DMD: variants seen among roughly 807,000 people sequenced by gnomAD.
DMD encodes the protein dystrophin.
DMD carries 63 observed loss-of-function variants against 330.1 expected under a neutral mutation model. The observed-to-expected ratio is 0.19, with a 90% confidence interval of 0.16 to 0.24. The LOEUF (loss-of-function observed/expected upper bound fraction) is 0.24, where lower values mean the gene tolerates loss of function less well. Among genes scored for constraint, DMD ranks in the 10% least tolerant of loss-of-function variants. The pLI is 1.00. For missense variants in DMD, 3,344 were observed against 2,684.1 expected, an observed-to-expected ratio of 1.25 and a Z score of -5.43; for synonymous variants, 1,223 against 959.8, an observed-to-expected ratio of 1.27 and a Z score of -5.07.
At chrX:31,163,556 A>G (rs1569386487) in intron 74 of DMD, among the ~76,000 whole-genome samples, 1 of 112,360 alleles carries the variant, frequency 8.9e-6, no homozygotes, top group Non-Finnish European at 1.9e-5. Flanking sequence ...ATGTGGGAAC[A>G]GCCGTAGGAA....
chrX:31,809,156 A>AAT (rs1050351654), intron 50 of DMD, among the ~76,000 whole-genome samples: 2 of 55,314 alleles, frequency 3.6e-5, no homozygotes, highest in African/African-American at 1.4e-4. Flanking sequence ...TTTATATATA[A>AAT]ATATATATGA....
In DMD at chrX:32,809,530, T is replaced by A. The variant is rs2077190196; in HGVS notation, c.612A>T (p.Arg204Ser). The change falls in exon 7 of 79, where the codon AGA (arginine) becomes AGT (serine). Residue 204 changes from arginine (R) to serine (S), a missense_variant. Transcript: ENST00000357033. ...GTAGTTTCTCTATGCCTAATTGATA[T>A]CTGGCGATGTTGAATGCATGTTCCA... is the stretch of plus-strand genomic sequence containing the variant. The part of the protein sequence containing the change: ...QRLEHAFNIA[R>S]YQLGIEKLLD... The A allele has an allele frequency of 6.6e-6, 8 of 1,211,267 alleles. No individual in the cohort carries two copies. Among genetic ancestry groups the A allele is most frequent in the Non-Finnish European group, 6.7e-6 (6 of 895,307 alleles).
intron 9 of DMD, among the ~76,000 whole-genome samples, chrX:32,658,462 A>C (rs985310609): frequency 9.0e-6 from 1 of 111,460 alleles, no homozygotes; most frequent in African/African-American, 3.3e-5. Context: ...AAGCATCTGG[A>C]GACAATACAT....
intron 7 of DMD, among the ~76,000 whole-genome samples, chrX:32,740,093 G>A (rs1434377380): frequency 4.6e-5 from 5 of 108,133 alleles, no homozygotes; most frequent in African/African-American, 1.7e-4. Context: ...AGTGATGTGC[G>A]CCATTTCCAA....
intron 37 of DMD, among the ~76,000 whole-genome samples, chrX:32,351,355 A>G (rs1423768459): frequency 1.8e-5 from 2 of 110,983 alleles, no homozygotes; most frequent in Non-Finnish European, 3.8e-5. Context: ...ATAACATTGT[A>G]ATGGTGAACA....
At chrX:31,414,290 C>T (rs1413215382) in intron 60 of DMD, among the ~76,000 whole-genome samples, 2 of 111,735 alleles carry the variant, frequency 1.8e-5, no homozygotes, top group Admixed American at 9.5e-5. Flanking sequence ...GCTGGGATTA[C>T]AGGCATGAGC....
intron 73 of DMD, 38 bp downstream of exon 73, chrX:31,172,310 T>C (rs777970349): frequency 2.0e-6 from 2 of 1,004,092 alleles, no homozygotes; most frequent in African/African-American, 1.9e-5. Context: ...GCAATTTCAT[T>C]GTCAGGAACA....
intron 62 of DMD, among the ~76,000 whole-genome samples, chrX:31,323,385 T>G (rs764342783): frequency 1.3e-4 from 15 of 112,356 alleles, no homozygotes; most frequent in Non-Finnish European, 2.6e-4. Flanking sequence ...TATCCTGCAT[T>G]AAATAAACTT....
intron 44 of DMD, among the ~76,000 whole-genome samples, chrX:32,150,550 G>A (rs929363235): frequency 3.1e-4 from 35 of 111,788 alleles, no homozygotes; most frequent in African/African-American, 1.1e-3. Flanking sequence ...CACCATAGAA[G>A]AAGCAATTTT....
chrX:32,838,560 T>C (rs1279273136), intron 4 of DMD, among the ~76,000 whole-genome samples: 1 of 111,859 alleles, frequency 8.9e-6, no homozygotes, highest in Non-Finnish European at 1.9e-5. Flanking sequence ...TCCATGTCCC[T>C]GCAAAGGACA....
rs375833133 is a variant in DMD, at chrX:31,768,169, G to GA, written c.7542+5790dup. ...CCTGAACACCTGGCCAAACGGAATT[G>GA]AAAAAAAAGACTACAATTAACTCAG... On this transcript the variant is annotated intron_variant, in intron 51 of 78. Transcript: ENST00000357033. Among the ~76,000 whole-genome samples, 79 of 110,058 alleles carry GA rather than the reference G, an allele frequency of 7.2e-4. 1 individual carries two copies. Among genetic ancestry groups the GA allele is most frequent in the African/African-American group, 2.2e-3 (68 of 30,344 alleles).
At chrX:32,505,847 A>C (rs531927472) in intron 18 of DMD, among the ~76,000 whole-genome samples, 71 of 112,331 alleles carry the variant, frequency 6.3e-4, no homozygotes, top group South Asian at 1.5e-3. Flanking sequence ...CAAGCCATAA[A>C]AAGACATGGA....
chrX:32,855,237 T>A (rs759930681), intron 2 of DMD, among the ~76,000 whole-genome samples: 13 of 112,101 alleles, frequency 1.2e-4, no homozygotes, highest in Non-Finnish European at 2.1e-4. Context: ...GGGGAAAAAC[T>A]ACAAGACTTT....
At chrX:33,039,771 C>T (rs141821146) in intron 1 of DMD, among the ~76,000 whole-genome samples, 6 of 111,445 alleles carry the variant, frequency 5.4e-5, no homozygotes, top group Non-Finnish European at 9.4e-5. Flanking sequence ...AAAATACTTA[C>T]GCTTTCCATC....
At chrX:32,529,398 T>C (rs1169639875) in intron 17 of DMD, among the ~76,000 whole-genome samples, 1 of 66,958 alleles carries the variant, frequency 1.5e-5, no homozygotes, top group Non-Finnish European at 2.8e-5. Flanking sequence ...TTTTTTTTTT[T>C]TTTTTTTTTT....
intron 12 of DMD, among the ~76,000 whole-genome samples, chrX:32,603,984 C>T (rs1340629410): frequency 9.0e-6 from 1 of 111,090 alleles, no homozygotes; most frequent in African/African-American, 3.3e-5. Flanking sequence ...AGGAAATTCT[C>T]CCTAATTAAT....
intron 41 of DMD, among the ~76,000 whole-genome samples, chrX:32,333,459 C>T (rs1024505738): frequency 1.8e-5 from 2 of 111,335 alleles, no homozygotes; most frequent in African/African-American, 6.5e-5. Flanking sequence ...AAACCAGGTA[C>T]CATTTTAAGT....
At chrX:32,828,564 CAT>C (rs1349739836) in intron 4 of DMD, among the ~76,000 whole-genome samples, 9 of 103,806 alleles carry the variant, frequency 8.7e-5, no homozygotes, top group Admixed American at 1.0e-4. Flanking sequence ...TGTATCTACA[CAT>C]ATACACATAT....
intron 44 of DMD, among the ~76,000 whole-genome samples, chrX:32,134,757 A>G (rs1331177578): frequency 1.8e-5 from 2 of 111,653 alleles, no homozygotes; most frequent in Admixed American, 9.5e-5. Context: ...AGTCAGATGA[A>G]TAAAGAGAAA....
Sources: allele counts gnomAD v4.1 joint callset (sites outside exome capture counted in the v4.1 genomes callset), GRCh38; gene constraint gnomAD v4.1.1; transcripts MANE v1.5; gene names NCBI Gene and HGNC (gene_info 2026-07-23, HGNC 2026-07-21).